TYW1B: variants seen among roughly 807,000 people sequenced by gnomAD.
TYW1B encodes S-adenosyl-L-methionine-dependent tRNA 4-demethylwyosine synthase TYW1B.
In TYW1B, 73 loss-of-function variants were observed where a neutral mutation model predicts 86.9. The ratio of observed to expected loss-of-function variants is 0.84; its 90% CI spans 0.70 to 1.02. The LOEUF is 1.02. TYW1B is among the 50% of genes least tolerant of loss of function. The pLI, the probability that TYW1B is intolerant of heterozygous loss-of-function variation, is 0.00. For missense variants in TYW1B, 637 were observed against 827.4 expected (o/e 0.77, Z 2.82); for synonymous variants, 248 against 292.8 (o/e 0.85, Z 1.56).
chr7:72,764,386 G>A (rs532772798), intron 7 of TYW1B, among the ~76,000 whole-genome samples: 3 of 152,104 alleles, frequency 2.0e-5, no homozygotes, highest in Non-Finnish European at 4.4e-5. Context: ...GGGTTTGAGC[G>A]ATTCTTCTGC....
At chr7:72,718,342 T>C (rs782651246) in intron 9 of TYW1B, among the ~76,000 whole-genome samples, 2 of 152,182 alleles carry the variant, frequency 1.3e-5, no homozygotes, top group African/African-American at 4.8e-5. Context: ...GGGGCGACAG[T>C]TGAAAAATTG....
At chr7:72,696,827 T>G (rs1225040464) in intron 10 of TYW1B, among the ~76,000 whole-genome samples, 1 of 152,178 alleles carries the variant, frequency 6.6e-6, no homozygotes, top group Non-Finnish European at 1.5e-5. Context: ...TGGCAGGCTC[T>G]CATTGCTTTA....
chr7:72,660,551 C>T (rs1160313064), intron 11 of TYW1B, among the ~76,000 whole-genome samples: 6 of 152,116 alleles, frequency 3.9e-5, no homozygotes, highest in Non-Finnish European at 5.9e-5. Context: ...TTCTGCCATC[C>T]GACACAATGA....
intron 11 of TYW1B, among the ~76,000 whole-genome samples, chr7:72,671,281 C>G (rs1813594877): frequency 6.6e-6 from 1 of 152,118 alleles, no homozygotes; most frequent in Non-Finnish European, 1.5e-5. Context: ...AGAAAAGGTA[C>G]AAGGAAGAAT....
intron 7 of TYW1B, among the ~76,000 whole-genome samples, chr7:72,758,739 G>A (rs1787638051): frequency 6.6e-6 from 1 of 152,146 alleles, no homozygotes; most frequent in South Asian, 2.1e-4. Flanking sequence ...TCCCTCTTGG[G>A]ATGATAGACT....
chr7:72,776,046 C>A (rs1389673654), intron 7 of TYW1B, among the ~76,000 whole-genome samples: 2 of 152,130 alleles, frequency 1.3e-5, no homozygotes, highest in Non-Finnish European at 2.9e-5. Flanking sequence ...ATTCAGGGGG[C>A]TGAGGCAGGA....
chr7:72,636,741 C>T (rs1181390161), intron 11 of TYW1B, among the ~76,000 whole-genome samples: 1 of 152,182 alleles, frequency 6.6e-6, no homozygotes, highest in Admixed American at 6.5e-5. Context: ...TTAAACAAAA[C>T]TCGCATTCTT....
At chr7:72,774,706 G>A (rs1266243104) in intron 7 of TYW1B, among the ~76,000 whole-genome samples, 2 of 151,958 alleles carry the variant, frequency 1.3e-5, no homozygotes, top group African/African-American at 4.8e-5. Context: ...GCTCCGGCCT[G>A]GGCAACAGAG....
intron 10 of TYW1B, among the ~76,000 whole-genome samples, chr7:72,700,781 T>C (rs114396262): frequency 0.013 from 1,904 of 152,206 alleles, 33 homozygotes; most frequent in African/African-American, 0.044. Context: ...GAAAATGTTT[T>C]TCTGGCCAGG....
At chr7:72,726,879 C>A (rs868916533) in intron 9 of TYW1B, among the ~76,000 whole-genome samples, 1 of 152,014 alleles carries the variant, frequency 6.6e-6, no homozygotes, top group Non-Finnish European at 1.5e-5. Flanking sequence ...ACTATCACAG[C>A]GGAAGGCAAA....
chr7:72,604,324 T>C (rs1295210231), intron 13 of TYW1B, among the ~76,000 whole-genome samples: 1 of 151,926 alleles, frequency 6.6e-6, no homozygotes, highest in Non-Finnish European at 1.5e-5. Flanking sequence ...TAGCCGGGCG[T>C]GGTGGCGTGC....
intron 6 of TYW1B, among the ~76,000 whole-genome samples, chr7:72,785,148 T>C (rs1788106183): frequency 6.6e-6 from 1 of 151,890 alleles, no homozygotes; most frequent in East Asian, 1.9e-4. Context: ...ATACTTCAAA[T>C]TATCTTCAGT....
At chr7:72,647,082 A>C (rs1244171739) in intron 11 of TYW1B, among the ~76,000 whole-genome samples, 1 of 152,198 alleles carries the variant, frequency 6.6e-6, no homozygotes, top group Non-Finnish European at 1.5e-5. Context: ...ACAAGATAAA[A>C]TGGTCTCCTA....
At chr7:72,584,548 C>A (rs1811231583) in intron 13 of TYW1B, among the ~76,000 whole-genome samples, 1 of 151,908 alleles carries the variant, frequency 6.6e-6, no homozygotes, top group Non-Finnish European at 1.5e-5. Flanking sequence ...CTCTGCCTCC[C>A]AGGTTCAAGA....
At chr7:72,682,192 T>C (rs1426669772) in intron 11 of TYW1B, among the ~76,000 whole-genome samples, 3 of 151,402 alleles carry the variant, frequency 2.0e-5, no homozygotes, top group Middle Eastern at 3.4e-3. Context: ...ATTACTTATA[T>C]AGAAAGATAT....
At chr7:72,601,659 C>T (rs1248564016) in intron 13 of TYW1B, among the ~76,000 whole-genome samples, 3 of 144,272 alleles carry the variant, frequency 2.1e-5, no homozygotes, top group South Asian at 2.2e-4. Flanking sequence ...GGTACATCCA[C>T]ACAATGGGAG....
At chr7:72,676,844 G>C (rs1191095003) in intron 11 of TYW1B, among the ~76,000 whole-genome samples, 1 of 152,086 alleles carries the variant, frequency 6.6e-6, no homozygotes, top group Non-Finnish European at 1.5e-5. Flanking sequence ...TGTAATCTCA[G>C]ATACTTGGGA....
At chr7:72,680,301 T>C (rs1813837728) in intron 11 of TYW1B, among the ~76,000 whole-genome samples, 1 of 152,112 alleles carries the variant, frequency 6.6e-6, no homozygotes, top group South Asian at 2.1e-4. Context: ...TCAGTCTGGG[T>C]GGGCACCATC....
chr7:72,807,051 A>C lies in TYW1B; in HGVS notation c.723+15T>G, dbSNP rs73702509. 254 of 1,608,300 alleles carry C rather than the reference A, an allele frequency of 1.6e-4. 3 individuals carry two copies. The African/African-American group carries it at 3.3e-3, about 21-fold the overall frequency. On this transcript the variant is annotated intron_variant, in intron 5 of 13. Transcript: ENST00000620995. ...AGGGGGAAAGCATCAAGAGATGAAC[A>C]CACAGGCGGTATACCTTGGTGTCTC... is the stretch of plus-strand genomic sequence containing the variant.
Sources: gnomAD v4.1 joint callset for allele counts (sites outside exome capture counted in the v4.1 genomes callset) on GRCh38, gnomAD v4.1.1 for gene constraint, MANE v1.5 for transcripts, NCBI Gene and HGNC (gene_info 2026-07-23, HGNC 2026-07-21) for gene names.